The following TMCC1 variants were observed in gnomAD, a reference collection of about 807,000 sequenced individuals.
TMCC1 encodes the protein transmembrane and coiled-coil domain family 1, also known as transmembrane and coiled-coil domains protein 1.
A neutral mutation model predicts 52.4 loss-of-function variants in TMCC1; 15 were observed. The ratio of observed to expected loss-of-function variants is 0.29; its 90% confidence interval spans 0.19 to 0.44. TMCC1 has a LOEUF of 0.44. TMCC1 is among the 20% of genes least tolerant of loss of function. TMCC1 has a pLI of 1.00. For missense variants in TMCC1, 503 were observed against 806.0 expected, an observed-to-expected ratio of 0.62 and a Z score of 4.55; for synonymous variants, 279 against 301.9, an observed-to-expected ratio of 0.92 and a Z score of 0.79.
At chr3:129,728,564 G>A (rs1323057674) in intron 4 of TMCC1, among the ~76,000 whole-genome samples, 1 of 152,152 alleles carries the variant, frequency 6.6e-6, no homozygotes, top group Non-Finnish European at 1.5e-5. Flanking sequence ...GATTACAGGT[G>A]TGAGCCACCG....
intron 4 of TMCC1, among the ~76,000 whole-genome samples, chr3:129,823,397 T>TA (rs2058511375): frequency 6.6e-6 from 1 of 152,156 alleles, no homozygotes; most frequent in Non-Finnish European, 1.5e-5. Flanking sequence ...CCAAAGTTGA[T>TA]ATATATACAA....
Sources: allele counts gnomAD v4.1 joint callset (sites outside exome capture counted in the v4.1 genomes callset), GRCh38; gene constraint gnomAD v4.1.1; transcripts MANE v1.5; gene names NCBI Gene and HGNC (gene_info 2026-07-23, HGNC 2026-07-21).